APOBEC3D: variants seen among roughly 807,000 people sequenced by gnomAD.
APOBEC3D encodes the protein apolipoprotein B mRNA editing enzyme catalytic subunit 3D, also known as DNA dC->dU-editing enzyme APOBEC-3D.
A neutral mutation model predicts 45.6 loss-of-function variants in APOBEC3D; 37 were observed. The ratio of observed to expected loss-of-function variants is 0.81; its 90% CI spans 0.62 to 1.07. The LOEUF is 1.07. Among genes scored for constraint, APOBEC3D ranks in the 50% least tolerant of loss-of-function variants. APOBEC3D has a pLI of 0.00. For missense variants in APOBEC3D, 496 were observed against 495.3 expected (o/e 1.00, Z -0.01); for synonymous variants, 175 against 180.7 (o/e 0.97, Z 0.25).
At chr22:39,029,283 A>C in intron 4 of APOBEC3D, 80 bp from the exon 5 acceptor site, 2 of 1,489,032 alleles carry the variant, frequency 1.3e-6, no homozygotes, top group Non-Finnish European at 1.9e-6. Flanking sequence ...CCCAGACTCC[A>C]GGGACGTCCA....
At chr22:39,029,604 G>A (rs902036579) in intron 5 of APOBEC3D, 85 bp downstream of exon 5, 1 of 1,530,550 alleles carries the variant, frequency 6.5e-7, no homozygotes, top group Non-Finnish European at 8.9e-7. Context: ...TGCCCCGCGT[G>A]GGCTCTGCTA....
chr22:39,024,074 C>G (rs1039585640), intron 2 of APOBEC3D, among the ~76,000 whole-genome samples: 1 of 152,164 alleles, frequency 6.6e-6, no homozygotes, highest in African/African-American at 2.4e-5. Context: ...TCCCCACACG[C>G]TAAAAAGGCG....
intron 1 of APOBEC3D, among the ~76,000 whole-genome samples, chr22:39,022,135 G>A (rs1021987107): frequency 1.3e-5 from 2 of 152,234 alleles, no homozygotes; most frequent in Admixed American, 1.3e-4. Context: ...CGATGATCAG[G>A]AGAAATGCTC....
chr22:39,029,596 C>A, intron 5 of APOBEC3D, 77 bp downstream of exon 5: 2 of 1,558,260 alleles, frequency 1.3e-6, no homozygotes. Context: ...ACGTGACGTG[C>A]CCCGCGTGGG....
At chr22:39,031,419 A>C (rs551502265) in intron 5 of APOBEC3D, among the ~76,000 whole-genome samples, 1 of 152,232 alleles carries the variant, frequency 6.6e-6, no homozygotes, top group African/African-American at 2.4e-5. Flanking sequence ...ATTACAAAAA[A>C]ATTAGCCGGG....
Position 39,031,928 on chromosome 22 carries a change from A to C in APOBEC3D, c.997A>C (p.Ser333Arg). 3 of 1,614,192 alleles carry C rather than the reference A, an allele frequency of 1.9e-6. No homozygotes were observed. The highest frequency in any genetic ancestry group is 2.5e-6 in the Non-Finnish European group (3 of 1,180,042). ...TACAGATTACCAGGAGGGGCTCTGC[A>C]GCCTGAGTCAGGAAGGGGCCTCCGT... ...WDTDYQEGLC[S>R]LSQEGASVKI... Residue 333 changes from serine (S) to arginine (R), a missense_variant, in exon 6 of 7, where the codon AGC becomes CGC. Physicochemically the swap from Ser to Arg is moderately radical, Grantham distance 110. Transcript: ENST00000216099.
chr22:39,023,230 C>T lies in APOBEC3D; in HGVS notation c.210+216C>T, dbSNP rs190503911. The stretch of plus-strand genomic sequence containing the variant: ...TCTTGGGTTCAAGCGATTCTCCTGC[C>T]TCAGCATCCTGAGTAGCTGGGACTA... On this transcript the variant is annotated intron_variant, in intron 2 of 6. Coordinates refer to ENST00000216099, the MANE Select transcript of APOBEC3D (RefSeq NM_152426.4). 2.2e-3 allele frequency among the ~76,000 whole-genome samples: 340 copies of T among 152,096 alleles called. 1 individual carries two copies. The highest frequency in any genetic ancestry group is 6.8e-3 in the Middle Eastern group (2 of 294).
intron 4 of APOBEC3D, 87 bp downstream of exon 4, chr22:39,025,758 C>G (rs1925591964): frequency 6.3e-7 from 1 of 1,595,086 alleles, no homozygotes; most frequent in Non-Finnish European, 8.6e-7. Context: ...GCCCTCCTGC[C>G]CTCCGTCCTG....
Position 39,022,883 on chromosome 22 carries a change from C to G in APOBEC3D, c.79C>G (p.Leu27Val), listed in dbSNP as rs776840632. 44 of 1,612,980 alleles carry G rather than the reference C, an allele frequency of 2.7e-5. No individual in the cohort carries two copies. Among genetic ancestry groups the G allele is most frequent in the Non-Finnish European group, 3.6e-5 (42 of 1,179,896 alleles). Residue 27 changes from leucine (L) to valine (V), a missense_variant, in exon 2 of 7, where the codon CTC becomes GTC. Leu to Val is a conservative substitution (Grantham distance 32). Coordinates refer to ENST00000216099, the MANE Select transcript of APOBEC3D (RefSeq NM_152426.4). ...CGACAACTTTGAAAACGAACCCATCCTCTATGGTCGGAGCTACACTTGGCT... is the reference window on the plus strand; with the variant it reads ...CGACAACTTTGAAAACGAACCCATCGTCTATGGTCGGAGCTACACTTGGCT... The part of the protein sequence containing the change: ...FYDNFENEPI[L>V]YGRSYTWLCY...
intron 6 of APOBEC3D, 92 bp from the exon 7 acceptor site, chr22:39,032,106 G>A: frequency 6.3e-7 from 1 of 1,583,010 alleles, no homozygotes; most frequent in Non-Finnish European, 8.6e-7. Context: ...GCTGCAACTG[G>A]CAGCCAGGAG....
chr22:39,026,603 C>T (rs1270442646), intron 4 of APOBEC3D, among the ~76,000 whole-genome samples: 17 of 152,182 alleles, frequency 1.1e-4, no homozygotes. Flanking sequence ...CCCACAGCCC[C>T]TCCCTCCAGA....
intron 2 of APOBEC3D, among the ~76,000 whole-genome samples, chr22:39,024,264 T>G (rs1185410696): frequency 6.6e-6 from 1 of 152,252 alleles, no homozygotes; most frequent in Non-Finnish European, 1.5e-5. Flanking sequence ...CTGTTTCAGA[T>G]GCTCAGTAGC....
At chr22:39,030,791 G>T (rs1489103407) in intron 5 of APOBEC3D, among the ~76,000 whole-genome samples, 1 of 152,160 alleles carries the variant, frequency 6.6e-6, no homozygotes, top group Non-Finnish European at 1.5e-5. Context: ...TGGATGCCTG[G>T]GGGAAAGGAT....
intron 4 of APOBEC3D, among the ~76,000 whole-genome samples, chr22:39,028,847 T>C (rs1925935311): frequency 6.6e-6 from 1 of 151,962 alleles, no homozygotes; most frequent in Admixed American, 6.6e-5. Context: ...AGGCAGGAGA[T>C]TTGCTTGAAA....
chr22:39,022,242 G>A (rs953934284), intron 1 of APOBEC3D, among the ~76,000 whole-genome samples: 201 of 152,224 alleles, frequency 1.3e-3, no homozygotes, highest in Non-Finnish European at 1.2e-3. Flanking sequence ...CTGGAAAGGG[G>A]CCCCTGCTCC....
In APOBEC3D at chr22:39,025,387, G is replaced by T. The variant is rs372956016; in HGVS notation, c.490+38G>T. On this transcript the variant is annotated intron_variant, in intron 3 of 6. Coordinates refer to ENST00000216099, the MANE Select transcript of APOBEC3D (RefSeq NM_152426.4). ...GGGGTCAGGGGAGCATGACGGGGAGGAACAGCCTCAGAGATGGATGGATCT... is the reference window on the plus strand; with the variant it reads ...GGGGTCAGGGGAGCATGACGGGGAGTAACAGCCTCAGAGATGGATGGATCT... The T allele has an allele frequency of 1.9e-6, 3 of 1,612,074 alleles. No individual in the cohort carries two copies. In the African/African-American group the frequency reaches 4.0e-5, roughly 22 times the overall value.
chr22:39,030,393 C>T (rs1249368398), intron 5 of APOBEC3D, among the ~76,000 whole-genome samples: 34 of 152,266 alleles, frequency 2.2e-4, no homozygotes, highest in African/African-American at 6.0e-4. Flanking sequence ...GTGCTGGCCT[C>T]GGAAACACCC....
intron 5 of APOBEC3D, among the ~76,000 whole-genome samples, chr22:39,031,021 C>T (rs1306945812): frequency 6.6e-6 from 1 of 152,024 alleles, no homozygotes; most frequent in Non-Finnish European, 1.5e-5. Flanking sequence ...CAAAAATTAG[C>T]CAGGCGTAGG....
At chr22:39,025,774 CT>C in intron 4 of APOBEC3D, 103 bp downstream of exon 4, 1 of 1,584,876 alleles carries the variant, frequency 6.3e-7, no homozygotes, top group South Asian at 1.2e-5. Flanking sequence ...TCCTGCCCCC[CT>C]GCCTGCCCTC....
Sources: gnomAD v4.1 joint callset for allele counts (sites outside exome capture counted in the v4.1 genomes callset) on GRCh38, gnomAD v4.1.1 for gene constraint, MANE v1.5 for transcripts, NCBI Gene and HGNC (gene_info 2026-07-23, HGNC 2026-07-21) for gene names.